TNNI3K: variants seen among roughly 807,000 people sequenced by gnomAD.
TNNI3K encodes TNNI3 interacting kinase, also known as serine/threonine-protein kinase TNNI3K.
A neutral mutation model predicts 114.5 loss-of-function variants in TNNI3K; 140 were observed. The observed-to-expected ratio is 1.22, with a 90% CI of 1.07 to 1.41. TNNI3K has a LOEUF of 1.41. TNNI3K is among the 40% of genes most tolerant of loss of function. The probability of loss-of-function intolerance (pLI) is 0.00; values close to 1 mark genes in which losing one functional copy is unlikely to be tolerated. For missense variants in TNNI3K, 1,125 were observed against 1,007.6 expected (o/e 1.12, Z -1.58); for synonymous variants, 347 against 347.5 (o/e 1.00, Z 0.02).
intron 5 of TNNI3K, among the ~76,000 whole-genome samples, chr1:74,302,519 A>G (rs1357268412): frequency 6.6e-6 from 1 of 152,240 alleles, no homozygotes; most frequent in East Asian, 1.9e-4. Flanking sequence ...GTGAATGCAA[A>G]GGAAAAATTC....
chr1:74,258,559 A>G (rs1655470689), intron 4 of TNNI3K, among the ~76,000 whole-genome samples: 2 of 152,226 alleles, frequency 1.3e-5, no homozygotes, highest in Non-Finnish European at 1.5e-5. Context: ...GAAAGTCTAT[A>G]TAAGTTGTTC....
chr1:74,352,162 C>T (rs1661388116), intron 9 of TNNI3K, among the ~76,000 whole-genome samples: 1 of 152,134 alleles, frequency 6.6e-6, no homozygotes, highest in Non-Finnish European at 1.5e-5. Flanking sequence ...GATGTCCTTT[C>T]TGTTTGTTAG....
At chr1:74,245,844 T>C (rs982220100) in intron 2 of TNNI3K, among the ~76,000 whole-genome samples, 1 of 152,202 alleles carries the variant, frequency 6.6e-6, no homozygotes, top group Non-Finnish European at 1.5e-5. Flanking sequence ...AAACTTTTTT[T>C]ACCCTCCTAC....
intron 5 of TNNI3K, among the ~76,000 whole-genome samples, chr1:74,322,976 A>G (rs960536116): frequency 3.3e-5 from 5 of 152,204 alleles, no homozygotes; most frequent in Admixed American, 6.5e-5. Flanking sequence ...AACATGTTTT[A>G]CTCTTTCTTA....
intron 21 of TNNI3K, chr1:74,480,664 G>A: frequency 2.8e-6 from 2 of 717,250 alleles, no homozygotes; most frequent in South Asian, 1.5e-5. Flanking sequence ...GGGTCAGGCC[G>A]CTTGTGTTTC....
At chr1:74,383,239 A>G (rs1034985821) in intron 17 of TNNI3K, among the ~76,000 whole-genome samples, 3 of 152,042 alleles carry the variant, frequency 2.0e-5, no homozygotes, top group South Asian at 2.1e-4. Flanking sequence ...GAGTGAGGCT[A>G]AAGAGCTGTT....
chr1:74,259,924 T>A (rs1403490616), intron 4 of TNNI3K, among the ~76,000 whole-genome samples: 2 of 152,354 alleles, frequency 1.3e-5, no homozygotes, highest in South Asian at 2.1e-4. Context: ...TGTACATTTT[T>A]AAAAAAATCT....
chr1:74,423,228 T>C (rs1665483134), intron 17 of TNNI3K, among the ~76,000 whole-genome samples: 1 of 151,990 alleles, frequency 6.6e-6, no homozygotes, highest in Non-Finnish European at 1.5e-5. Context: ...CTCTTTCTTT[T>C]GTCTCTCCAT....
In TNNI3K at chr1:74,422,162, G is replaced by GT. The variant is rs1366060884; in HGVS notation, c.1773-13916dup. Among the ~76,000 whole-genome samples, 3 of 151,844 alleles carry GT rather than the reference G, an allele frequency of 2.0e-5. No homozygotes were observed. The East Asian group carries it at 5.9e-4, about 30-fold the overall frequency. Reference sequence around the variant, plus strand: ...TGTCTTCAGGAGATTTCTACCTAAGGTTATGTATTCTTGTTCTCACTATTT... The same window carrying GT: ...TGTCTTCAGGAGATTTCTACCTAAGGTTTATGTATTCTTGTTCTCACTATTT... On this transcript the variant is annotated intron_variant, in intron 17 of 24. Transcript: ENST00000326637.
At chr1:74,258,827 C>G (rs1174659766) in intron 4 of TNNI3K, among the ~76,000 whole-genome samples, 1 of 152,202 alleles carries the variant, frequency 6.6e-6, no homozygotes, top group Admixed American at 6.5e-5. Context: ...CATATAGTAA[C>G]ATACGTTTAA....
At chr1:74,499,562 C>T (rs274608) in intron 23 of TNNI3K, among the ~76,000 whole-genome samples, 102,014 of 151,978 alleles carry the variant, frequency 0.67, 35,801 homozygotes, top group African/African-American at 0.88. Flanking sequence ...AAATATTATA[C>T]TGTATATTGG....
intron 21 of TNNI3K, chr1:74,480,652 C>T (rs1373011801): frequency 1.4e-6 from 1 of 717,272 alleles, no homozygotes; most frequent in East Asian, 2.7e-5. Flanking sequence ...CCAGCTGGAG[C>T]CGGGTCAGGC....
rs114395257 is a variant in TNNI3K at position 74,500,764 on chromosome 1, T to C, written c.2351+8498T>C. 9.1e-3 allele frequency among the ~76,000 whole-genome samples: 1,378 copies of C among 152,022 alleles called. 23 individuals carry two copies. The highest frequency in any genetic ancestry group is 0.032 in the African/African-American group (1,333 of 41,516). On this transcript the variant is annotated intron_variant, in intron 23 of 24. Transcript: ENST00000326637. ...GAGGATTTTAATTGTTCAGTTACTT[T>C]TTTCCCTGCACCTTCAGGGGGAAAA...
At position 74,436,523 on chromosome 1, in the gene TNNI3K, T is replaced by G; in HGVS notation, c.1875T>G (p.Pro625=). 1 of 1,585,084 alleles carries G rather than the reference T, an allele frequency of 6.3e-7. No individual in the cohort carries two copies. The highest frequency in any genetic ancestry group is 8.5e-7 in the Non-Finnish European group (1 of 1,172,408). Residue 625 remains proline, a synonymous_variant, in exon 19 of 25, where the codon CCT becomes CCG. Coordinates refer to ENST00000326637, the MANE Select transcript of TNNI3K (RefSeq NM_015978.3). ...ATGAAGACAACATGACAAAACAACCTGGGGTTTGCTGCTGCTTGTGTTTCC... is the reference window on the plus strand; with the variant it reads ...ATGAAGACAACATGACAAAACAACCGGGGGTTTGCTGCTGCTTGTGTTTCC... The part of the protein sequence containing the change: ...SLDEDNMTKQ[P]GNLRWMAPEV...
chr1:74,425,788 G>A lies in TNNI3K; in HGVS notation c.1773-10292G>A, dbSNP rs558040460. 7.2e-5 allele frequency among the ~76,000 whole-genome samples: 11 copies of A among 152,164 alleles called. No individual in the cohort carries two copies. The East Asian group carries it at 2.1e-3, about 30-fold the overall frequency. On this transcript the variant is annotated intron_variant, in intron 17 of 24. Transcript: ENST00000326637. ...CTTGGAGGAGACACCATGAACAAAGGGAGGGAGAGAAGCAAGAAGGAGCTA... is the reference window on the plus strand; with the variant it reads ...CTTGGAGGAGACACCATGAACAAAGAGAGGGAGAGAAGCAAGAAGGAGCTA...
chr1:74,425,025 G>A (rs772979185), intron 17 of TNNI3K, among the ~76,000 whole-genome samples: 16 of 152,084 alleles, frequency 1.1e-4, no homozygotes, highest in Non-Finnish European at 1.9e-4. Context: ...GTGCAGGCTA[G>A]AATATTTGGG....
intron 17 of TNNI3K, among the ~76,000 whole-genome samples, chr1:74,426,664 G>A (rs57855271): frequency 0.076 from 11,524 of 151,942 alleles, 545 homozygotes; most frequent in African/African-American, 0.12. Flanking sequence ...TTAGTGTCTA[G>A]GATTTAATTT....
intron 23 of TNNI3K, 79 bp from the exon 24 acceptor site, chr1:74,540,155 G>T: frequency 6.8e-7 from 1 of 1,481,460 alleles, no homozygotes; most frequent in Non-Finnish European, 9.2e-7. Context: ...GATCTATGTT[G>T]AGTGGAAAAA....
intron 17 of TNNI3K, among the ~76,000 whole-genome samples, chr1:74,432,917 C>T (rs1665963060): frequency 6.6e-6 from 1 of 152,042 alleles, no homozygotes; most frequent in African/African-American, 2.4e-5. Flanking sequence ...ATACAGGACA[C>T]TGATTTCACC....
Sources: gnomAD v4.1 joint callset for allele counts (sites outside exome capture counted in the v4.1 genomes callset) on GRCh38, gnomAD v4.1.1 for gene constraint, MANE v1.5 for transcripts, NCBI Gene and HGNC (gene_info 2026-07-23, HGNC 2026-07-21) for gene names.